TRMT61A: variants seen among roughly 807,000 people sequenced by gnomAD.
The protein encoded by TRMT61A is tRNA methyltransferase 61A, also known as tRNA (adenine(58)-N(1))-methyltransferase catalytic subunit TRMT61A.
Under a neutral mutation model 21.3 loss-of-function variants are expected in TRMT61A, and 15 were observed. The observed-to-expected ratio is 0.70, with a 90% CI of 0.47 to 1.08. TRMT61A has a LOEUF of 1.08. Among genes scored for constraint, TRMT61A ranks in the 50% least tolerant of loss-of-function variants. The probability of loss-of-function intolerance (pLI) is 0.00; values close to 1 mark genes in which losing one functional copy is unlikely to be tolerated. For synonymous variants in TRMT61A, 183 were observed against 185.5 expected, an observed-to-expected ratio of 0.99 and a Z score of 0.11; for missense variants, 352 against 426.7, an observed-to-expected ratio of 0.83 and a Z score of 1.54.
rs761144714 is a variant in TRMT61A at position 103,534,698 on chromosome 14, C to A, written c.747C>A (p.Asp249Glu). The change falls in exon 4 of 4, where the codon GAC becomes GAA. Residue 249 changes from aspartate (D) to glutamate (E), a missense_variant. Physicochemically the swap from Asp to Glu is conservative, Grantham distance 45 (BLOSUM62 2). Coordinates refer to ENST00000389749, the MANE Select transcript of TRMT61A (RefSeq NM_152307.3). ...GCACTGTCAGCCTGCCACCGCCCGACCTGGGCACAGGCACAGATGGCCCTG... is the reference window on the plus strand; with the variant it reads ...GCACTGTCAGCCTGCCACCGCCCGAACTGGGCACAGGCACAGATGGCCCTG... ...NVRTVSLPPPDLGTGTDGPAG... is the reference protein window; with the variant it reads ...NVRTVSLPPPELGTGTDGPAG... 1.2e-5 allele frequency: 19 copies of A among 1,608,176 alleles called. 1 individual carries two copies. The South Asian group carries it at 2.1e-4, about 18-fold the overall frequency.
Position 103,532,623 on chromosome 14 carries a change from A to T in TRMT61A, c.373A>T (p.Ile125Phe). The change falls in exon 3 of 4, where the codon ATT becomes TTT. Residue 125 changes from isoleucine (I) to phenylalanine (F), a missense_variant. Coordinates refer to ENST00000389749, the MANE Select transcript of TRMT61A (RefSeq NM_152307.3). The stretch of plus-strand genomic sequence containing the variant: ...TGTGTCCCACGCCATCATCCGCACC[A>T]TTGCACCCACGGGTCACCTGCACAC... ...GSVSHAIIRT[I>F]APTGHLHTVE... 1 of 1,613,336 alleles carries T rather than the reference A, an allele frequency of 6.2e-7. No individual in the cohort carries two copies.
chr14:103,532,536 G>T lies in TRMT61A; in HGVS notation c.332-46G>T, dbSNP rs369433036. The T allele has an allele frequency of 8.5e-5, 137 of 1,611,812 alleles. 5 individuals are homozygous for T. The South Asian group carries it at 1.4e-3, about 17-fold the overall frequency. On this transcript the variant is annotated intron_variant, in intron 2 of 3. Coordinates refer to ENST00000389749, the MANE Select transcript of TRMT61A (RefSeq NM_152307.3). ...TGTTTCCTGGGAGGCTGTGGGTCCC[G>T]AGCAGTCCCAACTGATGCCTTGCCC... is the stretch of plus-strand genomic sequence containing the variant.
At chr14:103,532,317 G>A (rs559585026) in intron 2 of TRMT61A, among the ~76,000 whole-genome samples, 1 of 152,258 alleles carries the variant, frequency 6.6e-6, no homozygotes, top group South Asian at 2.1e-4. Flanking sequence ...GGTTGCCACT[G>A]GCCTCGCCTG....
At chr14:103,530,923 G>C (rs1275259898) in intron 2 of TRMT61A, among the ~76,000 whole-genome samples, 1 of 152,236 alleles carries the variant, frequency 6.6e-6, no homozygotes, top group Admixed American at 6.5e-5. Flanking sequence ...GGGCAGGAGA[G>C]CTAGGGTCCA....
intron 1 of TRMT61A, 140 bp downstream of exon 1, chr14:103,529,401 G>T (rs1030303542): frequency 3.7e-4 from 65 of 177,396 alleles, no homozygotes; most frequent in Non-Finnish European, 6.1e-4. Context: ...CTCTGCATCG[G>T]CTGGGCGGTG....
chr14:103,531,677 C>T lies in TRMT61A; in HGVS notation c.332-905C>T, dbSNP rs539472582. Among the ~76,000 whole-genome samples, 3 of 152,116 alleles carry T rather than the reference C, an allele frequency of 2.0e-5. No individual in the cohort carries two copies. In the South Asian group the frequency reaches 6.2e-4, roughly 32 times the overall value. ...GAAAGGAATGTGGGAGGTGGCAGGA[C>T]GTGGGACGGGATAGAGGGAGTGGAG... is the stretch of plus-strand genomic sequence containing the variant. On this transcript the variant is annotated intron_variant, in intron 2 of 3. Transcript: ENST00000389749. The surrounding 1 kb of genome is among the most constrained non-coding windows in gnomAD (Gnocchi z 5.1).
Position 103,535,512 on chromosome 14 carries a change from C to G in TRMT61A, c.*691C>G. 2.8e-6 allele frequency: 1 copy of G among 362,476 alleles called. No individual in the cohort carries two copies. Among genetic ancestry groups the G allele is most frequent in the Non-Finnish European group, 5.5e-6 (1 of 182,404 alleles). The allele number at this position is 362,476 out of a possible 1,614,324, so 22.5% of individuals were successfully genotyped here. A position where few individuals can be genotyped will look rare whatever the true frequency, so the allele number is the denominator to read the frequency against. ...GAGCCCCTGACATGGGCTGCACTCG[C>G]TGAGGCCAGGCAGCGCTGCGGAGAG... On this transcript the variant is annotated 3_prime_UTR_variant, in exon 4 of 4. Coordinates refer to ENST00000389749, the MANE Select transcript of TRMT61A (RefSeq NM_152307.3).
Position 103,530,271 on chromosome 14 carries a change from T to G in TRMT61A, c.293T>G (p.Met98Arg). The stretch of plus-strand genomic sequence containing the variant: ...ACAGACATCGCCCTCATCACCATGA[T>G]GTTGGAGCTTCGGCCCGGCTCTGTG... ...YSTDIALITMMLELRPGSVVC... is the reference protein window; with the variant it reads ...YSTDIALITMRLELRPGSVVC... Residue 98 changes from methionine (M) to arginine (R), a missense_variant, in exon 2 of 4, where the codon ATG becomes AGG. Met to Arg is a moderately conservative substitution (Grantham distance 91). Coordinates refer to ENST00000389749, the MANE Select transcript of TRMT61A (RefSeq NM_152307.3). The G allele has an allele frequency of 6.3e-7, 1 of 1,595,982 alleles. No individual in the cohort carries two copies. Among genetic ancestry groups the G allele is most frequent in the Non-Finnish European group, 8.6e-7 (1 of 1,165,546 alleles).
rs2075970673 is a variant in TRMT61A, at chr14:103,535,471, A to G, written c.*650A>G. On this transcript the variant is annotated 3_prime_UTR_variant, in exon 4 of 4. Transcript: ENST00000389749. ...TCCACTCATGTCCAAGAGGCGGGGC[A>G]TCCCCCACCCAGCCAGAGCCCCTGA... 2.5e-6 allele frequency: 1 copy of G among 395,094 alleles called. No homozygotes were observed. Among genetic ancestry groups the G allele is most frequent in the Non-Finnish European group, 5.1e-6 (1 of 196,276 alleles). The allele number at this position is 395,094 out of a possible 1,614,324, so 24.5% of individuals were successfully genotyped here.
rs2075948096 is a variant in TRMT61A, at chr14:103,530,019, A to G, written c.41A>G (p.Asp14Gly). The change falls in exon 2 of 4, where the codon GAC becomes GGC. Residue 14 changes from aspartate (D) to glycine (G), a missense_variant. Physicochemically the swap from Asp to Gly is moderately conservative, Grantham distance 94 (BLOSUM62 -1). Coordinates refer to ENST00000389749, the MANE Select transcript of TRMT61A (RefSeq NM_152307.3). Reference protein sequence around the residue: ...VAYEELIKEGDTAILSLGHGA... With the variant: ...VAYEELIKEGGTAILSLGHGA... ...TACGAGGAGCTGATCAAGGAGGGTG[A>G]CACGGCCATCCTGTCACTGGGCCAT... is the stretch of plus-strand genomic sequence containing the variant. 1 of 1,612,188 alleles carries G rather than the reference A, an allele frequency of 6.2e-7. No homozygotes were observed. The highest frequency in any genetic ancestry group is 1.3e-5 in the African/African-American group (1 of 74,946).
intron 2 of TRMT61A, among the ~76,000 whole-genome samples, chr14:103,532,115 A>G (rs557590128): frequency 4.7e-4 from 72 of 151,778 alleles, no homozygotes; most frequent in African/African-American, 1.4e-3. Context: ...GCTTCTGGGG[A>G]GAGGTGGGCA....
At chr14:103,533,869 G>A (rs1017018919) in intron 3 of TRMT61A, among the ~76,000 whole-genome samples, 4 of 152,190 alleles carry the variant, frequency 2.6e-5, no homozygotes, top group African/African-American at 4.8e-5. Flanking sequence ...CTCTAACCCC[G>A]AACCTCCTGG....
chr14:103,529,949 G>T lies in TRMT61A; in HGVS notation c.-29-1G>T. ...TCATGCCTACACACACCCCTCCCCA[G>T]GTCCTTGGCCCTTGCCAGACATTAG... On this transcript the variant is annotated splice_acceptor_variant, in intron 1 of 3. Transcript: ENST00000389749. LOFTEE classifies it low-confidence loss of function (5UTR_SPLICE). The T allele has an allele frequency of 6.4e-7, 1 of 1,572,110 alleles. No homozygotes were observed. The highest frequency in any genetic ancestry group is 2.3e-5 in the East Asian group (1 of 43,150).
chr14:103,530,852 T>C (rs1030792647), intron 2 of TRMT61A, among the ~76,000 whole-genome samples: 1 of 152,202 alleles, frequency 6.6e-6, no homozygotes, highest in Non-Finnish European at 1.5e-5. Flanking sequence ...AGTGTGGCGA[T>C]TGAAGCCAAG....
intron 3 of TRMT61A, among the ~76,000 whole-genome samples, chr14:103,533,682 C>T (rs575149123): frequency 1.3e-5 from 2 of 152,344 alleles, no homozygotes; most frequent in South Asian, 2.1e-4. Context: ...CTCGGGGAAC[C>T]CGCGCCTGCC....
At chr14:103,530,670 C>T (rs1005399657) in intron 2 of TRMT61A, among the ~76,000 whole-genome samples, 1 of 152,232 alleles carries the variant, frequency 6.6e-6, no homozygotes, top group Non-Finnish European at 1.5e-5. Flanking sequence ...AGAGTTGCCC[C>T]TTCTGGAAAG....
chr14:103,530,582 G>A (rs764697888), intron 2 of TRMT61A, among the ~76,000 whole-genome samples: 1 of 152,218 alleles, frequency 6.6e-6, no homozygotes, highest in African/African-American at 2.4e-5. Flanking sequence ...TTGGTGGGGC[G>A]TGGCCAGCTT....
In TRMT61A at chr14:103,534,771, G is replaced by T; in HGVS notation, c.820G>T (p.Ala274Ser). 1 of 1,574,478 alleles carries T rather than the reference G, an allele frequency of 6.4e-7. No individual in the cohort carries two copies. The highest frequency in any genetic ancestry group is 8.6e-7 in the Non-Finnish European group (1 of 1,163,196). The change falls in exon 4 of 4, where the codon GCC becomes TCC. Residue 274 changes from alanine to serine, a missense_variant. By Grantham distance (99) the Ala-to-Ser change is moderately conservative. Coordinates refer to ENST00000389749, the MANE Select transcript of TRMT61A (RefSeq NM_152307.3). ...CCGCAGCGGCACGCCCATGAAGGAG[G>T]CCGTGGGCCACACCGGCTACCTGAC... ...PFRSGTPMKE[A>S]VGHTGYLTFA...
rs542026718 is a variant in TRMT61A at position 103,531,105 on chromosome 14, C to T, written c.331+796C>T. Among the ~76,000 whole-genome samples the T allele has an allele frequency of 3.1e-4, 47 of 152,292 alleles. 1 individual carries two copies. The East Asian group carries it at 9.1e-3, about 29-fold the overall frequency. ...GGTGCTGGCCTCTCCGCCCCTGCCC[C>T]ACTCTCGCGAGAGAGCTCAATCAAG... On this transcript the variant is annotated intron_variant, in intron 2 of 3. Transcript: ENST00000389749. This position sits in a 1 kb window ranked among gnomAD's most constrained non-coding sequence, Gnocchi z 5.1.
Sources: allele counts gnomAD v4.1 joint callset (sites outside exome capture counted in the v4.1 genomes callset), GRCh38; gene constraint gnomAD v4.1.1; non-coding constraint Gnocchi (gnomAD v3.1); transcripts MANE v1.5; gene names NCBI Gene and HGNC (gene_info 2026-07-23, HGNC 2026-07-21).